LDLRAD4: variants seen among roughly 807,000 people sequenced by gnomAD.
The protein encoded by LDLRAD4 is low density lipoprotein receptor class A domain containing 4.
Under a neutral mutation model 17.0 loss-of-function variants are expected in LDLRAD4, and 5 were observed. The ratio of observed to expected loss-of-function variants is 0.29; its 90% CI spans 0.15 to 0.62. LDLRAD4 has a LOEUF of 0.62. Ranked by LOEUF, LDLRAD4 falls within the 20% of genes least tolerant of loss-of-function variation. The probability of loss-of-function intolerance (pLI) is 0.84; values close to 1 mark genes in which losing one functional copy is unlikely to be tolerated. For missense variants in LDLRAD4, 340 were observed against 424.7 expected, an observed-to-expected ratio of 0.80 and a Z score of 1.75; for synonymous variants, 168 against 171.8, an observed-to-expected ratio of 0.98 and a Z score of 0.17.
At chr18:13,422,266 C>A (rs954375857) in intron 2 of LDLRAD4, among the ~76,000 whole-genome samples, 1 of 152,134 alleles carries the variant, frequency 6.6e-6, no homozygotes, top group African/African-American at 2.4e-5. Flanking sequence ...AGAGAGAAGA[C>A]TAGAAGACTA....
rs562574762 is a variant in LDLRAD4, at chr18:13,248,468, C to T, written c.-467+29480C>T. 3.3e-5 allele frequency among the ~76,000 whole-genome samples: 5 copies of T among 152,318 alleles called. No individual in the cohort carries two copies. In the East Asian group the frequency reaches 7.7e-4, roughly 24 times the overall value. ...TTATTGGCTGGTGTGGGCACAGCGACCACCCCATAAGATGTGATGTAGCAA... is the reference window on the plus strand; with the variant it reads ...TTATTGGCTGGTGTGGGCACAGCGATCACCCCATAAGATGTGATGTAGCAA... On this transcript the variant is annotated intron_variant, in intron 1 of 5. Coordinates refer to the LDLRAD4 transcript ENST00000399848.
Position 13,499,761 on chromosome 18 carries a change from G to A in LDLRAD4, c.181+61377G>A, listed in dbSNP as rs58064505. Reference sequence around the variant, plus strand: ...TCCTTTTTGCCACACACGTCCAGCCGTGGACACTGGAGAATCCATCTCCAC... The same window carrying A: ...TCCTTTTTGCCACACACGTCCAGCCATGGACACTGGAGAATCCATCTCCAC... On this transcript the variant is annotated intron_variant, in intron 3 of 5. Transcript: ENST00000359446. Among the ~76,000 whole-genome samples the A allele has an allele frequency of 8.2e-3, 1,249 of 152,206 alleles. 26 individuals are homozygous for A. The highest frequency in any genetic ancestry group is 0.028 in the African/African-American group (1,172 of 41,522).
chr18:13,636,940 G>A (rs2042134315), intron 4 of LDLRAD4, among the ~76,000 whole-genome samples: 1 of 151,342 alleles, frequency 6.6e-6, no homozygotes, highest in African/African-American at 2.4e-5. Flanking sequence ...TGGGATTACA[G>A]GCACCCACCA....
chr18:13,370,596 C>T (rs193096424), intron 1 of LDLRAD4, among the ~76,000 whole-genome samples: 108 of 152,160 alleles, frequency 7.1e-4, no homozygotes, highest in African/African-American at 2.3e-3. Context: ...TCTTGCTGTG[C>T]GGAAGTGGCC....
chr18:13,477,449 AT>A (rs1294259563), intron 3 of LDLRAD4, among the ~76,000 whole-genome samples: 2 of 152,200 alleles, frequency 1.3e-5, no homozygotes, highest in African/African-American at 4.8e-5. Flanking sequence ...ACCTGCCTCT[AT>A]CAGGCGGGAT....
At chr18:13,254,324 A>G (rs903187848) in intron 1 of LDLRAD4, among the ~76,000 whole-genome samples, 4 of 152,154 alleles carry the variant, frequency 2.6e-5, no homozygotes, top group Non-Finnish European at 4.4e-5. Flanking sequence ...GCTGAGTGGG[A>G]TCTTATAGGC....
At chr18:13,344,620 A>C (rs1047478266) in intron 1 of LDLRAD4, among the ~76,000 whole-genome samples, 12 of 152,214 alleles carry the variant, frequency 7.9e-5, no homozygotes, top group Admixed American at 5.9e-4. Context: ...TCTGTGAAGA[A>C]AGTCATTGGT....
chr18:13,286,984 G>T (rs2045661337), intron 1 of LDLRAD4, among the ~76,000 whole-genome samples: 1 of 152,202 alleles, frequency 6.6e-6, no homozygotes, highest in Non-Finnish European at 1.5e-5. Context: ...AGCAGCCTAG[G>T]AGGTGGCGCT....
At position 13,322,466 on chromosome 18, in the gene LDLRAD4, A is replaced by T. The variant is rs566607320; in HGVS notation, c.-383+44278A>T. On this transcript the variant is annotated intron_variant, in intron 1 of 5. Coordinates refer to ENST00000359446, the Ensembl canonical transcript of LDLRAD4. ...AGGAGTGTACCACGACGCCCAGCTA[A>T]TTTTTGTATTTTTAGTAGAGATGGG... Among the ~76,000 whole-genome samples the T allele has an allele frequency of 1.7e-3, 254 of 151,196 alleles. 2 individuals carry two copies. Among genetic ancestry groups the T allele is most frequent in the African/African-American group, 6.0e-3 (245 of 41,158 alleles).
chr18:13,315,101 C>T (rs1490240942), intron 1 of LDLRAD4, among the ~76,000 whole-genome samples: 1 of 152,184 alleles, frequency 6.6e-6, no homozygotes, highest in Non-Finnish European at 1.5e-5. Context: ...ACCTAGACTT[C>T]CTGTTAGGTC....
chr18:13,565,941 T>C (rs2094595413), intron 3 of LDLRAD4, among the ~76,000 whole-genome samples: 1 of 152,244 alleles, frequency 6.6e-6, no homozygotes, highest in Non-Finnish European at 1.5e-5. Flanking sequence ...CCATGTGGCA[T>C]TAAACACAAG....
intron 1 of LDLRAD4, among the ~76,000 whole-genome samples, chr18:13,271,344 G>A (rs983150843): frequency 6.6e-6 from 1 of 152,206 alleles, no homozygotes; most frequent in Non-Finnish European, 1.5e-5. Context: ...GTGACGTTAG[G>A]CGTTCAGTGC....
intron 3 of LDLRAD4, among the ~76,000 whole-genome samples, chr18:13,606,158 CGTTGGTT>C (rs1568396817): frequency 6.6e-6 from 1 of 152,164 alleles, no homozygotes; most frequent in Non-Finnish European, 1.5e-5. Flanking sequence ...TGGAACCCAA[CGTTGGTT>C]CTAACTGGCC....
chr18:13,324,908 A>C lies in LDLRAD4; in HGVS notation c.-383+46720A>C, dbSNP rs112398158. On this transcript the variant is annotated intron_variant, in intron 1 of 5. Transcript: ENST00000359446. ...TGAGGCTTTGATTTTCGCTCACTGA[A>C]TACATGTGACATGTGAAAGGAGGGG... 9.7e-3 allele frequency among the ~76,000 whole-genome samples: 1,483 copies of C among 152,314 alleles called. 25 individuals carry two copies. The highest frequency in any genetic ancestry group is 0.035 in the African/African-American group (1,441 of 41,566).
intron 1 of LDLRAD4, among the ~76,000 whole-genome samples, chr18:13,301,088 G>A (rs947728575): frequency 6.6e-6 from 1 of 152,218 alleles, no homozygotes; most frequent in South Asian, 2.1e-4. Flanking sequence ...CCGTGGTTGG[G>A]GGGGTACAGG....
intron 3 of LDLRAD4, chr18:13,620,830 G>A: frequency 2.1e-6 from 1 of 468,522 alleles, no homozygotes; most frequent in South Asian, 3.2e-5. Context: ...TTCTAGAGCG[G>A]TGACATTGGA....
chr18:13,609,615 A>G (rs1042162827), intron 3 of LDLRAD4, among the ~76,000 whole-genome samples: 15 of 152,064 alleles, frequency 9.9e-5, no homozygotes, highest in Non-Finnish European at 2.9e-5. Flanking sequence ...AAAGTTTTGA[A>G]AGTGGTTTTT....
chr18:13,306,573 G>A (rs962562766), intron 1 of LDLRAD4, among the ~76,000 whole-genome samples: 4 of 152,162 alleles, frequency 2.6e-5, no homozygotes, highest in South Asian at 2.1e-4. Context: ...TACACACGGC[G>A]TTCTATGGAA....
intron 3 of LDLRAD4, among the ~76,000 whole-genome samples, chr18:13,473,017 A>C (rs1217171333): frequency 6.6e-6 from 1 of 152,222 alleles, no homozygotes; most frequent in Admixed American, 6.5e-5. Flanking sequence ...AGTCAACATT[A>C]ATTAATCTTC....
Sources: allele counts gnomAD v4.1 joint callset (sites outside exome capture counted in the v4.1 genomes callset), GRCh38; gene constraint gnomAD v4.1.1; transcripts MANE v1.5; gene names NCBI Gene and HGNC (gene_info 2026-07-23, HGNC 2026-07-21).